The following HCN1 variants were observed in gnomAD, a reference collection of about 807,000 sequenced individuals.
HCN1 encodes potassium/sodium hyperpolarization-activated cyclic nucleotide-gated channel 1.
HCN1 carries 13 observed loss-of-function variants against 78.9 expected under a neutral mutation model. The ratio of observed to expected loss-of-function variants is 0.16; its 90% CI spans 0.11 to 0.26. The LOEUF (loss-of-function observed/expected upper bound fraction) is 0.26. Ranked by LOEUF, HCN1 falls within the 10% of genes least tolerant of loss-of-function variation. HCN1 has a pLI of 1.00. For synonymous variants in HCN1, 552 were observed against 455.5 expected (o/e 1.21, Z -2.70); for missense variants, 810 against 1,154.3 (o/e 0.70, Z 4.32).
chr5:45,692,555 C>G (rs1352553561), intron 1 of HCN1, among the ~76,000 whole-genome samples: 1 of 152,142 alleles, frequency 6.6e-6, no homozygotes, highest in Non-Finnish European at 1.5e-5. Context: ...CAAACAGTAC[C>G]TATACTATTG....
intron 2 of HCN1, among the ~76,000 whole-genome samples, chr5:45,582,270 CT>C (rs1744095862): frequency 6.6e-6 from 1 of 152,040 alleles, no homozygotes; most frequent in African/African-American, 2.4e-5. Flanking sequence ...GTATTTTATT[CT>C]CTTTGAAGCA....
intron 4 of HCN1, among the ~76,000 whole-genome samples, chr5:45,386,836 C>T (rs997215576): frequency 9.2e-5 from 14 of 151,948 alleles, no homozygotes; most frequent in African/African-American, 2.2e-4. Context: ...CTAAAATTTA[C>T]GATCATTTTT....
intron 3 of HCN1, among the ~76,000 whole-genome samples, chr5:45,427,500 T>C (rs544192959): frequency 6.6e-6 from 1 of 152,246 alleles, no homozygotes; most frequent in Non-Finnish European, 1.5e-5. Context: ...TTCTCCAAAA[T>C]CTGTTCAATC....
At chr5:45,464,890 A>G (rs1741236614) in intron 2 of HCN1, among the ~76,000 whole-genome samples, 1 of 152,142 alleles carries the variant, frequency 6.6e-6, no homozygotes, top group Admixed American at 6.6e-5. Context: ...AGGTTAACCA[A>G]AGAAGGAAGC....
intron 6 of HCN1, among the ~76,000 whole-genome samples, chr5:45,285,526 T>C (rs1428507133): frequency 6.6e-6 from 1 of 151,954 alleles, no homozygotes; most frequent in African/African-American, 2.4e-5. Flanking sequence ...ATTAAGGGTA[T>C]TTCGCTTAAA....
intron 2 of HCN1, among the ~76,000 whole-genome samples, chr5:45,501,931 T>G (rs1244471425): frequency 6.6e-6 from 1 of 152,084 alleles, no homozygotes; most frequent in Non-Finnish European, 1.5e-5. Flanking sequence ...CCAGGTGGGG[T>G]GCATGTAATT....
At chr5:45,366,769 T>G (rs1207365796) in intron 4 of HCN1, among the ~76,000 whole-genome samples, 3 of 151,826 alleles carry the variant, frequency 2.0e-5, no homozygotes, top group East Asian at 1.9e-4. Context: ...CTTTTATCTT[T>G]GTATTTGTTT....
chr5:45,492,733 C>T (rs564310073), intron 2 of HCN1, among the ~76,000 whole-genome samples: 34 of 152,058 alleles, frequency 2.2e-4, no homozygotes, highest in African/African-American at 8.2e-4. Flanking sequence ...AACTCCCGGC[C>T]TCAGGTGATC....
At chr5:45,452,230 T>C (rs1057431290) in intron 3 of HCN1, among the ~76,000 whole-genome samples, 2 of 151,902 alleles carry the variant, frequency 1.3e-5, no homozygotes, top group African/African-American at 4.8e-5. Flanking sequence ...ATACTGGATG[T>C]AGAACAGAGA....
chr5:45,423,041 A>T lies in HCN1; in HGVS notation c.1012-26331T>A, dbSNP rs556598042. ...TTATTAAAAATAACTAAAAGCTTTG[A>T]GTACAATTGGAATGTTCCTAACACA... On this transcript the variant is annotated intron_variant, in intron 3 of 7. Transcript: ENST00000303230. Among the ~76,000 whole-genome samples, 447 of 152,268 alleles carry T rather than the reference A, an allele frequency of 2.9e-3. 1 individual carries two copies. Among genetic ancestry groups the T allele is most frequent in the African/African-American group, 0.01 (420 of 41,558 alleles).
intron 5 of HCN1, among the ~76,000 whole-genome samples, chr5:45,327,440 C>G (rs1490262358): frequency 6.6e-6 from 1 of 151,582 alleles, no homozygotes; most frequent in African/African-American, 2.4e-5. Flanking sequence ...AAATCAGCAA[C>G]AGACACAATT....
chr5:45,545,306 C>A (rs1743190634), intron 2 of HCN1, among the ~76,000 whole-genome samples: 4 of 151,972 alleles, frequency 2.6e-5, no homozygotes, highest in East Asian at 1.9e-4. Flanking sequence ...TGATTTTTTT[C>A]TTATAAATTT....
chr5:45,523,388 T>A (rs1666140197), intron 2 of HCN1, among the ~76,000 whole-genome samples: 1 of 152,060 alleles, frequency 6.6e-6, no homozygotes, highest in South Asian at 2.1e-4. Flanking sequence ...ATGGGATGGC[T>A]GGGTCAAATG....
intron 2 of HCN1, chr5:45,575,847 C>T (rs142219741): frequency 6.6e-6 from 1 of 152,164 alleles, no homozygotes. Flanking sequence ...CATTCTGCAG[C>T]CCATGCTTCA....
At chr5:45,531,240 C>G (rs1182834188) in intron 2 of HCN1, among the ~76,000 whole-genome samples, 2 of 152,158 alleles carry the variant, frequency 1.3e-5, no homozygotes, top group African/African-American at 4.8e-5. Context: ...TCCCTTTGAA[C>G]TGGCACTGTT....
intron 2 of HCN1, chr5:45,558,554 T>C (rs1180699399): frequency 1.3e-5 from 2 of 152,120 alleles, no homozygotes; most frequent in Non-Finnish European, 2.9e-5. Flanking sequence ...CTTTGATAGG[T>C]AGAGAGAAAT....
chr5:45,596,426 T>C (rs1219344738), intron 2 of HCN1, among the ~76,000 whole-genome samples: 1 of 152,176 alleles, frequency 6.6e-6, no homozygotes, highest in Non-Finnish European at 1.5e-5. Context: ...AAGACTGAAA[T>C]CTATAATTTA....
chr5:45,418,301 A>C (rs1740158297), intron 3 of HCN1, among the ~76,000 whole-genome samples: 1 of 151,558 alleles, frequency 6.6e-6, no homozygotes, highest in Non-Finnish European at 1.5e-5. Flanking sequence ...CAATATATGC[A>C]AACATAAGGA....
chr5:45,455,703 G>A (rs1459770541), intron 3 of HCN1, among the ~76,000 whole-genome samples: 3 of 143,150 alleles, frequency 2.1e-5, no homozygotes, highest in Non-Finnish European at 4.5e-5. Context: ...CTGTACAAAC[G>A]AGTTAGGATA....
Sources: gnomAD v4.1 joint callset for allele counts (sites outside exome capture counted in the v4.1 genomes callset) on GRCh38, gnomAD v4.1.1 for gene constraint, MANE v1.5 for transcripts, NCBI Gene and HGNC (gene_info 2026-07-23, HGNC 2026-07-21) for gene names.